Variants in LPIN1 observed in about 807,000 individuals in gnomAD.
LPIN1 encodes the protein lipin 1.
A neutral mutation model predicts 107.5 loss-of-function variants in LPIN1; 71 were observed. That is an observed-to-expected ratio of 0.66 (90% CI 0.55 to 0.80). The LOEUF (loss-of-function observed/expected upper bound fraction) is 0.80, where lower values mean the gene tolerates loss of function less well. Ranked by LOEUF, LPIN1 falls within the 30% of genes least tolerant of loss-of-function variation. The pLI, the probability that LPIN1 is intolerant of heterozygous loss-of-function variation, is 0.00. For missense variants in LPIN1, 1,043 were observed against 1,160.6 expected (o/e 0.90, Z 1.47); for synonymous variants, 445 against 452.6 (o/e 0.98, Z 0.21).
intron 1 of LPIN1, among the ~76,000 whole-genome samples, chr2:11,702,519 G>C (rs992656257): frequency 1.3e-5 from 2 of 152,214 alleles, no homozygotes; most frequent in Admixed American, 1.3e-4. Context: ...CAAAATACGG[G>C]AGGTAAAAAG....
At chr2:11,758,833 G>C (rs940520095) in intron 1 of LPIN1, among the ~76,000 whole-genome samples, 4 of 152,216 alleles carry the variant, frequency 2.6e-5, no homozygotes, top group African/African-American at 7.2e-5. Flanking sequence ...CTTTGCCATG[G>C]GGGGAGCTTC....
chr2:11,761,039 C>T (rs376556254), intron 1 of LPIN1, among the ~76,000 whole-genome samples: 2 of 152,294 alleles, frequency 1.3e-5, no homozygotes, highest in African/African-American at 4.8e-5. Context: ...ATCTTCATTG[C>T]ACTTTGGCTG....
intron 1 of LPIN1, among the ~76,000 whole-genome samples, chr2:11,684,645 C>G (rs961630408): frequency 3.9e-5 from 6 of 152,120 alleles, no homozygotes; most frequent in African/African-American, 1.4e-4. Context: ...CTGGGAAAGA[C>G]TATTATTTAT....
At chr2:11,741,505 G>T (rs1572502433) in intron 2 of LPIN1, 1 of 1,174,722 alleles carries the variant, frequency 8.5e-7, no homozygotes, top group Non-Finnish European at 1.2e-6. Flanking sequence ...TTTGGCAACT[G>T]CAAGGAAAAG....
At chr2:11,772,238 C>T (rs1671971434) in intron 4 of LPIN1, among the ~76,000 whole-genome samples, 1 of 152,220 alleles carries the variant, frequency 6.6e-6, no homozygotes, top group South Asian at 2.1e-4. Flanking sequence ...CCGCTCACCT[C>T]CTGCCATGTG....
intron 1 of LPIN1, among the ~76,000 whole-genome samples, chr2:11,733,387 A>C (rs1423390741): frequency 6.6e-6 from 1 of 151,976 alleles, no homozygotes; most frequent in African/African-American, 2.4e-5. Context: ...ACACACACAC[A>C]CCCCTAACAC....
chr2:11,732,617 G>A (rs1017239653), intron 1 of LPIN1, among the ~76,000 whole-genome samples: 3 of 152,224 alleles, frequency 2.0e-5, no homozygotes, highest in Non-Finnish European at 1.5e-5. Context: ...ATTAATAAAT[G>A]TAAGCTCCTT....
At chr2:11,809,180 C>G (rs1679228452) in intron 17 of LPIN1, among the ~76,000 whole-genome samples, 2 of 147,476 alleles carry the variant, frequency 1.4e-5, no homozygotes, top group African/African-American at 5.4e-5. Context: ...CCTAAAAGAT[C>G]TAGATCATTC....
intron 1 of LPIN1, among the ~76,000 whole-genome samples, chr2:11,680,079 T>A (rs988464504): frequency 6.6e-6 from 1 of 152,040 alleles, no homozygotes; most frequent in Non-Finnish European, 1.5e-5. Context: ...GGGACCTAGA[T>A]CAGGCAGGCC....
At chr2:11,762,265 C>T (rs1669959119) in intron 1 of LPIN1, among the ~76,000 whole-genome samples, 1 of 152,134 alleles carries the variant, frequency 6.6e-6, no homozygotes. Flanking sequence ...CATGCCCTCT[C>T]TAGCACCCCA....
Position 11,765,510 on chromosome 2 carries a change from G to GT in LPIN1, c.-9-14dup, listed in dbSNP as rs3214670. On this transcript the variant is annotated intron_variant, in intron 1 of 20. Transcript: ENST00000674199. The surrounding 1 kb of genome is among the most constrained non-coding windows in gnomAD (Gnocchi z 4.4). ...TTGGATTAATTGTGTGTCTGTGTGT[G>GT]TTTTTTTTTGTCTGTTTTCCAGGTG... 2.8e-4 allele frequency: 441 copies of GT among 1,582,208 alleles called. 3 individuals carry two copies. The highest frequency in any genetic ancestry group is 1.7e-3 in the South Asian group (148 of 88,322).
chr2:11,750,681 T>C (rs1468911462), intron 1 of LPIN1, among the ~76,000 whole-genome samples: 2 of 152,226 alleles, frequency 1.3e-5, no homozygotes, highest in African/African-American at 4.8e-5. Context: ...ATAAAATAGA[T>C]GCGAAACTGC....
chr2:11,777,799 C>T (rs1672911280), intron 6 of LPIN1, among the ~76,000 whole-genome samples: 1 of 152,196 alleles, frequency 6.6e-6, no homozygotes, highest in South Asian at 2.1e-4. Context: ...CTGCAAAGAA[C>T]TTATAGCCAA....
At chr2:11,753,924 C>G (rs1246948255) in intron 1 of LPIN1, among the ~76,000 whole-genome samples, 1 of 152,160 alleles carries the variant, frequency 6.6e-6, no homozygotes, top group Non-Finnish European at 1.5e-5. Flanking sequence ...TCGGCGAACA[C>G]CAGTAACAGC....
In LPIN1 at chr2:11,784,869, G is replaced by T. The variant is rs778361066; in HGVS notation, c.1359-17G>T. The T allele has an allele frequency of 1.2e-6, 2 of 1,613,568 alleles. No individual in the cohort carries two copies. Among genetic ancestry groups the T allele is most frequent in the Non-Finnish European group, 1.7e-6 (2 of 1,179,770 alleles). ...GGACAGTCCTCAGCCGGTCTCTGCC[G>T]CTTTTCCTCCTTCCAGCGGAGATCC... On this transcript the variant is annotated splice_polypyrimidine_tract_variant and intron_variant, in intron 9 of 20. Transcript: ENST00000674199.
intron 17 of LPIN1, among the ~76,000 whole-genome samples, chr2:11,806,793 C>T (rs556061586): frequency 5.8e-4 from 88 of 152,336 alleles, no homozygotes; most frequent in African/African-American, 1.9e-3. Flanking sequence ...TTGCTGCAAG[C>T]TATTCCCTTC....
intron 14 of LPIN1, among the ~76,000 whole-genome samples, chr2:11,801,603 G>T (rs957725684): frequency 1.3e-5 from 2 of 152,192 alleles, no homozygotes; most frequent in Admixed American, 6.5e-5. Flanking sequence ...GCTGGGAAGG[G>T]TAGAGGGGAG....
intron 1 of LPIN1, among the ~76,000 whole-genome samples, chr2:11,726,180 T>C (rs998865395): frequency 6.6e-6 from 1 of 152,186 alleles, no homozygotes; most frequent in Non-Finnish European, 1.5e-5. Flanking sequence ...GCATATGAAA[T>C]GTCCGCCATA....
intron 14 of LPIN1, among the ~76,000 whole-genome samples, chr2:11,801,840 T>C (rs970185542): frequency 6.6e-6 from 1 of 152,236 alleles, no homozygotes; most frequent in East Asian, 1.9e-4. Context: ...GTATGCATGA[T>C]ATTTTGATAA....
Sources: allele counts gnomAD v4.1 joint callset (sites outside exome capture counted in the v4.1 genomes callset), GRCh38; gene constraint gnomAD v4.1.1; non-coding constraint Gnocchi (gnomAD v3.1); transcripts MANE v1.5; gene names NCBI Gene and HGNC (gene_info 2026-07-23, HGNC 2026-07-21).